ANK3: variants seen among roughly 807,000 people sequenced by gnomAD.
ANK3 encodes ankyrin-3.
ANK3 carries 57 observed loss-of-function variants against 370.9 expected under a neutral mutation model. That is an observed-to-expected ratio of 0.15 (90% CI 0.12 to 0.19). The LOEUF (loss-of-function observed/expected upper bound fraction) is 0.19, where lower values mean the gene tolerates loss of function less well. Among genes scored for constraint, ANK3 ranks in the 10% least tolerant of loss-of-function variants. The pLI, the probability that ANK3 is intolerant of heterozygous loss-of-function variation, is 1.00. For synonymous variants in ANK3, 1,929 were observed against 1,946.3 expected (o/e 0.99, Z 0.23); for missense variants, 4,439 against 5,302.1 (o/e 0.84, Z 5.06).
At chr10:60,234,944 CAGA>C (rs1291042389) in intron 7 of ANK3, among the ~76,000 whole-genome samples, 158 bp from the exon 8 acceptor site, 2 of 152,046 alleles carry the variant, frequency 1.3e-5, no homozygotes, top group Non-Finnish European at 2.9e-5. Context: ...GAATTTTCTT[CAGA>C]AGGAGACTTT....
At chr10:60,255,128 GGAT>G (rs2097717089) in intron 7 of ANK3, among the ~76,000 whole-genome samples, 1 of 151,994 alleles carries the variant, frequency 6.6e-6, no homozygotes. Flanking sequence ...TAAAGAAGCT[GGAT>G]AATAAATTAT....
chr10:60,517,798 C>CAATT (rs57910411), intron 2 of ANK3, among the ~76,000 whole-genome samples: 35,311 of 151,570 alleles, frequency 0.23, 4,511 homozygotes, highest in East Asian at 0.47. Flanking sequence ...CTGTATAAAA[C>CAATT]AAGATGACTC....
rs928131908 is a variant in ANK3 at position 60,155,506 on chromosome 10, GAGTGC to G, written c.2614+11080_2614+11084del. Among the ~76,000 whole-genome samples the G allele has an allele frequency of 1.1e-3, 165 of 152,332 alleles. 1 individual carries two copies. Among genetic ancestry groups the G allele is most frequent in the African/African-American group, 3.6e-3 (149 of 41,582 alleles). ...ATTTAGGTAGCAATCAGGACCCAAGGAGTGCAGTCCTTGGACAAGCTCTGGTGCTA... is the reference window on the plus strand; with the variant it reads ...ATTTAGGTAGCAATCAGGACCCAAGGAGTCCTTGGACAAGCTCTGGTGCTA... On this transcript the variant is annotated intron_variant, in intron 23 of 43. Coordinates refer to ENST00000280772, the MANE Select transcript of ANK3 (RefSeq NM_020987.5).
chr10:60,553,846 G>A (rs1413155974), intron 2 of ANK3, among the ~76,000 whole-genome samples: 1 of 152,206 alleles, frequency 6.6e-6, no homozygotes, highest in Non-Finnish European at 1.5e-5. Flanking sequence ...AGTGATAACT[G>A]ATTATGGCAA....
chr10:60,320,841 C>G (rs1385208248), intron 1 of ANK3, among the ~76,000 whole-genome samples: 1 of 152,090 alleles, frequency 6.6e-6, no homozygotes, highest in East Asian at 1.9e-4. Context: ...CCTCCCTTCT[C>G]CACCACCCCA....
intron 1 of ANK3, among the ~76,000 whole-genome samples, chr10:60,686,594 T>C (rs143266838): frequency 1.3e-3 from 191 of 152,340 alleles, no homozygotes; most frequent in African/African-American, 4.3e-3. Flanking sequence ...AAGTTTTTTA[T>C]AAATATTAAC....
intron 18 of ANK3, among the ~76,000 whole-genome samples, chr10:60,174,572 G>A (rs532281678): frequency 6.6e-6 from 1 of 152,222 alleles, no homozygotes; most frequent in South Asian, 2.1e-4. Context: ...CAAGTTCAAA[G>A]AACTTCCCCT....
intron 1 of ANK3, among the ~76,000 whole-genome samples, chr10:60,280,487 GA>G (rs1482841670): frequency 6.6e-6 from 1 of 152,158 alleles, no homozygotes; most frequent in Non-Finnish European, 1.5e-5. Flanking sequence ...AGAACAACAA[GA>G]CATGTAATTC....
intron 1 of ANK3, among the ~76,000 whole-genome samples, chr10:60,302,969 T>C (rs2044161176): frequency 6.6e-6 from 1 of 152,132 alleles, no homozygotes; most frequent in Non-Finnish European, 1.5e-5. Context: ...AAGAATAGTC[T>C]CCTCAGTAAA....
At chr10:60,129,335 G>A (rs2093941981) in intron 25 of ANK3, among the ~76,000 whole-genome samples, 1 of 152,120 alleles carries the variant, frequency 6.6e-6, no homozygotes. Flanking sequence ...ATTCCATTGG[G>A]CACCCCCAGT....
chr10:60,344,498 C>T (rs1489034536), intron 1 of ANK3, among the ~76,000 whole-genome samples: 1 of 152,120 alleles, frequency 6.6e-6, no homozygotes, highest in East Asian at 1.9e-4. Flanking sequence ...CAAAGACGCA[C>T]AGCAAAGAGG....
chr10:60,507,967 A>T (rs947484489), intron 2 of ANK3: 1 of 152,172 alleles, frequency 6.6e-6, no homozygotes, highest in Non-Finnish European at 1.5e-5. Flanking sequence ...GTCTTCAAAT[A>T]TTTAAAAAGG....
rs531593042 is a variant in ANK3, at chr10:60,617,962, G to A, written c.58-2738C>T. On this transcript the variant is annotated intron_variant, in intron 1 of 43. Coordinates refer to the ANK3 transcript ENST00000373827. The stretch of plus-strand genomic sequence containing the variant: ...TGATTAAAAGAGCAAAGCTTCTAGA[G>A]GCTCATAATTGAGTTTGATGTTGAC... Among the ~76,000 whole-genome samples the A allele has an allele frequency of 3.3e-5, 5 of 152,250 alleles. No individual in the cohort carries two copies. The South Asian group carries it at 1.0e-3, about 32-fold the overall frequency.
chr10:60,584,786 T>G (rs532525166), intron 2 of ANK3, among the ~76,000 whole-genome samples: 1 of 152,194 alleles, frequency 6.6e-6, no homozygotes, highest in Non-Finnish European at 1.5e-5. Flanking sequence ...TGAAACTCAA[T>G]GACATCTTCA....
At chr10:60,485,155 G>A (rs771384972) in intron 2 of ANK3, among the ~76,000 whole-genome samples, 17 of 152,050 alleles carry the variant, frequency 1.1e-4, no homozygotes, top group Admixed American at 2.6e-4. Context: ...CACTCGAGTC[G>A]GTTTCATCAT....
chr10:60,340,815 A>G (rs1268017123), intron 1 of ANK3, among the ~76,000 whole-genome samples: 1 of 152,170 alleles, frequency 6.6e-6, no homozygotes, highest in African/African-American at 2.4e-5. Context: ...TAAGCACTTA[A>G]TCTGTGCAAA....
rs372166531 is a variant in ANK3, at chr10:60,074,837, C to G, written c.6044G>C (p.Arg2015Thr). ...AASQSPSLPE[R>T]VQVKAKAASE... ...GGCGGCTTTTGCTTTTACTTGCACTCTCTCTGGCAGAGATGGAGACTGGCT... is the reference window on the plus strand; with the variant it reads ...GGCGGCTTTTGCTTTTACTTGCACTGTCTCTGGCAGAGATGGAGACTGGCT... Residue 2015 changes from arginine to threonine, a missense_variant, in exon 37 of 44, where the codon AGA becomes ACA. This residue lies in a region of ANK3 where 679 missense variants were observed against 791.0 expected (regional missense o/e 0.86). Transcript: ENST00000280772. 6 of 1,613,666 alleles carry G rather than the reference C, an allele frequency of 3.7e-6. No individual in the cohort carries two copies. In the South Asian group the frequency reaches 4.4e-5, roughly 12 times the overall value.
At chr10:60,670,316 C>T (rs2079050260) in intron 1 of ANK3, among the ~76,000 whole-genome samples, 1 of 152,086 alleles carries the variant, frequency 6.6e-6, no homozygotes, top group African/African-American at 2.4e-5. Context: ...TGCTAGTCTT[C>T]CTCATCTCCA....
intron 7 of ANK3, among the ~76,000 whole-genome samples, chr10:60,236,008 A>T (rs975516839): frequency 6.6e-6 from 1 of 152,234 alleles, no homozygotes; most frequent in Non-Finnish European, 1.5e-5. Context: ...TCTTGAATGC[A>T]TGATTTTAAA....
Sources: allele counts gnomAD v4.1 joint callset (sites outside exome capture counted in the v4.1 genomes callset), GRCh38; gene constraint gnomAD v4.1.1; regional missense constraint gnomAD v4.1.1; transcripts MANE v1.5; gene names NCBI Gene and HGNC (gene_info 2026-07-23, HGNC 2026-07-21).